Variants in SPATA13 observed in about 807,000 individuals in gnomAD.
The protein encoded by SPATA13 is spermatogenesis associated 13.
SPATA13 carries 50 observed loss-of-function variants against 104.0 expected under a neutral mutation model. The ratio of observed to expected loss-of-function variants is 0.48; its 90% CI spans 0.38 to 0.61. The LOEUF (loss-of-function observed/expected upper bound fraction) is 0.61. SPATA13 is among the 20% of genes least tolerant of loss of function. SPATA13 has a pLI of 0.00. For missense variants in SPATA13, 1,524 were observed against 1,690.6 expected (o/e 0.90, Z 1.73); for synonymous variants, 606 against 667.5 (o/e 0.91, Z 1.42).
Position 24,129,418 on chromosome 13 carries a change from G to A in SPATA13, c.-111-93401G>A, listed in dbSNP as rs528311191. The stretch of plus-strand genomic sequence containing the variant: ...CAGAACAAGGCTTGTCCAGAGAATC[G>A]TTGAGGATGTGAGAAAAAGTTTAAA... On this transcript the variant is annotated intron_variant, in intron 3 of 14. Coordinates refer to the SPATA13 transcript ENST00000424834. 9.2e-5 allele frequency among the ~76,000 whole-genome samples: 14 copies of A among 152,326 alleles called. 1 individual carries two copies. Among genetic ancestry groups the A allele is most frequent in the African/African-American group, 3.4e-4 (14 of 41,582 alleles).
Position 24,224,172 on chromosome 13 carries a change from A to C in SPATA13, c.1243A>C (p.Lys415Gln), listed in dbSNP as rs1468578265. ...ADTAVFPLET[K>Q]SSWAVESDSS... is the part of the protein sequence containing the mutation. The stretch of plus-strand genomic sequence containing the variant: ...CACTGCCGTATTTCCTCTTGAAACC[A>C]AAAGTTCCTGGGCGGTGGAAAGCGA... The change falls in exon 2 of 13, where the codon AAA (lysine) becomes CAA (glutamine). Residue 415 changes from lysine (K) to glutamine (Q), a missense_variant. Lys to Gln is a moderately conservative substitution (Grantham distance 53, BLOSUM62 1). Transcript: ENST00000382108. 6.4e-7 allele frequency: 1 copy of C among 1,551,598 alleles called. No homozygotes were observed. The highest frequency in any genetic ancestry group is 8.7e-7 in the Non-Finnish European group (1 of 1,146,998).
intron 2 of SPATA13, among the ~76,000 whole-genome samples, chr13:23,985,812 A>G (rs1050039990): frequency 2.6e-5 from 4 of 152,216 alleles, no homozygotes; most frequent in African/African-American, 4.8e-5. Context: ...CAGCAGGGCA[A>G]AGGAGAAAAG....
intron 1 of SPATA13, among the ~76,000 whole-genome samples, chr13:24,187,231 G>T (rs1350496510): frequency 6.6e-6 from 1 of 152,150 alleles, no homozygotes; most frequent in Non-Finnish European, 1.5e-5. Flanking sequence ...GTCACAGCAA[G>T]ATCTGCTTTT....
rs145134345 is a variant in SPATA13 at position 24,290,700 on chromosome 13, G to T, written c.2896G>T (p.Ala966Ser). The change falls in exon 9 of 13, where the codon GCC becomes TCC. Residue 966 changes from alanine to serine, a missense_variant. This residue lies in a region of SPATA13 where 435 missense variants were observed against 554.8 expected (regional missense o/e 0.78). Coordinates refer to ENST00000382108, the MANE Select transcript of SPATA13 (RefSeq NM_001166271.3). ...YSEYCNNHPG[A>S]CLELANLMKQ... ...CGAGTACTGCAACAACCACCCGGGC[G>T]CCTGCCTGGAGCTCGCCAACCTCAT... 6.2e-7 allele frequency: 1 copy of T among 1,614,084 alleles called. No homozygotes were observed. The highest frequency in any genetic ancestry group is 1.1e-5 in the South Asian group (1 of 91,084).
intron 2 of SPATA13, among the ~76,000 whole-genome samples, chr13:24,016,917 A>C (rs1876740267): frequency 6.6e-6 from 1 of 152,226 alleles, no homozygotes; most frequent in South Asian, 2.1e-4. Flanking sequence ...CCTTCAATGA[A>C]TACAGTTTTA....
At chr13:24,275,796 T>C (rs1422203693) in intron 4 of SPATA13, among the ~76,000 whole-genome samples, 1 of 152,154 alleles carries the variant, frequency 6.6e-6, no homozygotes, top group Non-Finnish European at 1.5e-5. Flanking sequence ...TAGCTGGATG[T>C]GATGGCACGC....
intron 3 of SPATA13, among the ~76,000 whole-genome samples, chr13:24,143,690 G>A (rs956286890): frequency 3.3e-5 from 5 of 152,120 alleles, no homozygotes; most frequent in South Asian, 2.1e-4. Context: ...AACCCGAAAC[G>A]TCCTCCAGGG....
Position 24,251,977 on chromosome 13 carries a change from T to C in SPATA13, c.2164+115T>C, listed in dbSNP as rs1160032563. The C allele has an allele frequency of 9.7e-6, 13 of 1,337,650 alleles. No homozygotes were observed. The East Asian group carries it at 3.2e-4, about 33-fold the overall frequency. 82.9% of individuals were successfully genotyped at this position (1,337,650 alleles called of 1,614,324 possible). ...GCGCCTCCCTTGGGCCAGGGCGCGT[T>C]TGTCTGGGAGTGAGGACGGCTCATC... On this transcript the variant is annotated intron_variant, in intron 4 of 12. Transcript: ENST00000382108.
At chr13:24,152,536 G>A (rs1882126970) in intron 3 of SPATA13, among the ~76,000 whole-genome samples, 3 of 152,190 alleles carry the variant, frequency 2.0e-5, no homozygotes, top group Admixed American at 1.3e-4. Context: ...CTTGCACAGC[G>A]GGTGTTCTAT....
chr13:24,242,596 A>G lies in SPATA13; in HGVS notation c.1654-6881A>G, dbSNP rs550347292. Among the ~76,000 whole-genome samples, 10 of 152,294 alleles carry G rather than the reference A, an allele frequency of 6.6e-5. 1 individual carries two copies. The South Asian group carries it at 2.1e-3, about 32-fold the overall frequency. On this transcript the variant is annotated intron_variant, in intron 2 of 12. Coordinates refer to ENST00000382108, the MANE Select transcript of SPATA13 (RefSeq NM_001166271.3). ...TGTCTTCTCATCGTAAAATGGGGGT[A>G]ATTACGTCTTCTTTGCTTCTTTGAA...
At chr13:24,274,746 G>T (rs1416063234) in intron 4 of SPATA13, among the ~76,000 whole-genome samples, 1 of 152,226 alleles carries the variant, frequency 6.6e-6, no homozygotes, top group Non-Finnish European at 1.5e-5. Flanking sequence ...TCAAATACAT[G>T]ATTTTAGCAG....
intron 10 of SPATA13, among the ~76,000 whole-genome samples, chr13:24,295,332 C>T (rs1386346716): frequency 6.6e-6 from 1 of 152,036 alleles, no homozygotes; most frequent in African/African-American, 2.4e-5. Flanking sequence ...CAGTACAGGC[C>T]AGGCACAGTG....
rs140887785 is a variant in SPATA13 at position 24,116,613 on chromosome 13, G to A, written c.-112+98912G>A. Among the ~76,000 whole-genome samples the A allele has an allele frequency of 2.8e-3, 420 of 152,200 alleles. 2 individuals are homozygous for A. Among genetic ancestry groups the A allele is most frequent in the Non-Finnish European group, 4.8e-3 (327 of 68,012 alleles). On this transcript the variant is annotated intron_variant, in intron 3 of 14. Coordinates refer to the SPATA13 transcript ENST00000424834. ...TTTACCCTCATTTTACAGATGAAAC[G>A]TCTCAGAGGGTAATGTGCTTGCCCA...
At position 24,281,116 on chromosome 13, in the gene SPATA13, C is replaced by T. The variant is rs149615584; in HGVS notation, c.2165-3019C>T. Reference sequence around the variant, plus strand: ...TGAGGCGCCAGGCCCTGCCATGCCCCTGGCAACCGTCCCCTCTCCTTTAAT... The same window carrying T: ...TGAGGCGCCAGGCCCTGCCATGCCCTTGGCAACCGTCCCCTCTCCTTTAAT... On this transcript the variant is annotated intron_variant, in intron 4 of 12. Coordinates refer to ENST00000382108, the MANE Select transcript of SPATA13 (RefSeq NM_001166271.3). 2.1e-4 allele frequency among the ~76,000 whole-genome samples: 32 copies of T among 152,344 alleles called. 2 individuals carry two copies. Among genetic ancestry groups the T allele is most frequent in the African/African-American group, 6.7e-4 (28 of 41,574 alleles).
At chr13:24,160,665 G>A, upstream of SPATA13, 1 of 965,010 alleles carries the variant, frequency 1.0e-6, no homozygotes, top group African/African-American at 1.8e-5. Flanking sequence ...GCGGGGGGAA[G>A]AGCCGGGCTG....
intron 3 of SPATA13, among the ~76,000 whole-genome samples, chr13:24,143,681 A>G (rs1881836671): frequency 6.6e-6 from 1 of 152,142 alleles, no homozygotes; most frequent in Non-Finnish European, 1.5e-5. Context: ...CCCACAGGGA[A>G]CCCGAAACGT....
intron 3 of SPATA13, among the ~76,000 whole-genome samples, chr13:24,143,166 CT>C (rs1332225695): frequency 1.3e-5 from 2 of 152,230 alleles, no homozygotes; most frequent in Non-Finnish European, 1.5e-5. Context: ...CAGGGCATTC[CT>C]TTTCTGGCAT....
At chr13:24,293,176 A>T (rs886210353) in intron 9 of SPATA13, among the ~76,000 whole-genome samples, 2 of 151,464 alleles carry the variant, frequency 1.3e-5, no homozygotes, top group Non-Finnish European at 2.9e-5. Context: ...ATAAAAGAAG[A>T]GAGAGCTATA....
chr13:24,191,574 A>G (rs1478571311), intron 1 of SPATA13, among the ~76,000 whole-genome samples: 1 of 120,060 alleles, frequency 8.3e-6, no homozygotes, highest in East Asian at 2.6e-4. Context: ...CAGTGGCGTG[A>G]TCTTGGCTCA....
Sources: allele counts gnomAD v4.1 joint callset (sites outside exome capture counted in the v4.1 genomes callset), GRCh38; gene constraint gnomAD v4.1.1; regional missense constraint gnomAD v4.1.1; transcripts MANE v1.5; gene names NCBI Gene and HGNC (gene_info 2026-07-23, HGNC 2026-07-21).